The following RAI1 variants were observed in gnomAD, a reference collection of about 807,000 sequenced individuals.
RAI1 encodes the protein retinoic acid-induced protein 1.
A neutral mutation model predicts 123.8 loss-of-function variants in RAI1; 9 were observed. That is an observed-to-expected ratio of 0.07 (90% CI 0.04 to 0.13). The LOEUF (loss-of-function observed/expected upper bound fraction) is 0.13, where lower values mean the gene tolerates loss of function less well. Ranked by LOEUF, RAI1 falls within the 10% of genes least tolerant of loss-of-function variation. RAI1 has a pLI of 1.00. For synonymous variants in RAI1, 1,231 were observed against 1,127.3 expected, an observed-to-expected ratio of 1.09 and a Z score of -1.84; for missense variants, 2,256 against 2,545.8, an observed-to-expected ratio of 0.89 and a Z score of 2.45.
chr17:17,799,989 T>C lies in RAI1; in HGVS notation c.5565+1476T>C, dbSNP rs1054092050. Among the ~76,000 whole-genome samples the C allele has an allele frequency of 1.3e-5, 2 of 151,960 alleles. No homozygotes were observed. Among genetic ancestry groups the C allele is most frequent in the African/African-American group, 4.8e-5 (2 of 41,342 alleles). ...TGCCCATGGGGATGGCTGGAGACCT[T>C]CTCCACGCCCAGACGCCCTGCCCAC... On this transcript the variant is annotated intron_variant, in intron 3 of 5. Coordinates refer to ENST00000353383, the MANE Select transcript of RAI1 (RefSeq NM_030665.4). The surrounding 1 kb of genome is among the most constrained non-coding windows in gnomAD (Gnocchi z 4.5).
chr17:17,736,408 A>C (rs1916435942), intron 2 of RAI1, among the ~76,000 whole-genome samples: 1 of 152,180 alleles, frequency 6.6e-6, no homozygotes, highest in African/African-American at 2.4e-5. Context: ...CTGGGATAAG[A>C]GCAGGCCCAG....
chr17:17,689,720 C>T (rs1386646053), intron 1 of RAI1, among the ~76,000 whole-genome samples: 2 of 152,176 alleles, frequency 1.3e-5, no homozygotes, highest in Non-Finnish European at 2.9e-5. Flanking sequence ...TTGGTTCTGT[C>T]ATCTGTAAAA....
chr17:17,786,767 G>A (rs753481938), intron 2 of RAI1, among the ~76,000 whole-genome samples: 10 of 152,246 alleles, frequency 6.6e-5, no homozygotes, highest in Non-Finnish European at 1.5e-4. Context: ...GGGCCAGACA[G>A]TCCTGTGCCT....
intron 2 of RAI1, chr17:17,766,173 G>C (rs908776593): frequency 1.6e-4 from 24 of 152,206 alleles, no homozygotes; most frequent in African/African-American, 5.8e-4. Context: ...GTTGGGTTTT[G>C]TTTTTAAGAA....
At position 17,808,048 on chromosome 17, in the gene RAI1, T is replaced by C. The variant is rs142993930; in HGVS notation, c.5660-1342T>C. Among the ~76,000 whole-genome samples the C allele has an allele frequency of 5.5e-3, 842 of 152,276 alleles. 8 individuals carry two copies. The highest frequency in any genetic ancestry group is 0.019 in the African/African-American group (779 of 41,548). On this transcript the variant is annotated intron_variant, in intron 4 of 5. Transcript: ENST00000353383. ...TGCCATTGCACAGAGCCACCTCCAG[T>C]GTGAACAGGAAGATTGTGTTGGAGA...
At chr17:17,756,490 C>G (rs898036365) in intron 2 of RAI1, among the ~76,000 whole-genome samples, 4 of 152,200 alleles carry the variant, frequency 2.6e-5, no homozygotes, top group Non-Finnish European at 5.9e-5. Context: ...AGCACTGCAC[C>G]TGGCATGAAT....
chr17:17,699,641 A>G (rs1049946459), intron 1 of RAI1, among the ~76,000 whole-genome samples: 11 of 140,730 alleles, frequency 7.8e-5, no homozygotes, highest in East Asian at 4.1e-4. Context: ...GGGGGGGGGG[A>G]ATCAAATGAA....
chr17:17,778,476 G>C (rs1210958200), intron 2 of RAI1: 2 of 331,908 alleles, frequency 6.0e-6, no homozygotes, highest in African/African-American at 4.3e-5. Flanking sequence ...GGCACACAAA[G>C]CACAGAGAGG....
chr17:17,722,936 T>A (rs1047466516), intron 1 of RAI1, among the ~76,000 whole-genome samples: 3 of 152,132 alleles, frequency 2.0e-5, no homozygotes, highest in Non-Finnish European at 4.4e-5. Flanking sequence ...CGCGGTGCGA[T>A]CCCCGACGCC....
At chr17:17,695,215 C>T (rs965419523) in intron 1 of RAI1, among the ~76,000 whole-genome samples, 4 of 151,980 alleles carry the variant, frequency 2.6e-5, no homozygotes, top group African/African-American at 9.7e-5. Context: ...TCAGTGAGGA[C>T]CTACCCTTTG....
In RAI1 at chr17:17,811,035, C is replaced by T. The variant is rs2032756453; in HGVS notation, c.*1054C>T. On this transcript the variant is annotated 3_prime_UTR_variant, in exon 6 of 6. Transcript: ENST00000353383. ...GCCTTTGCCGGGTAAGGGGCTACCG[C>T]GACGCCACTTGTCCACGCAGCCACC... 1 of 313,576 alleles carries T rather than the reference C, an allele frequency of 3.2e-6. No individual in the cohort carries two copies. The highest frequency in any genetic ancestry group is 6.3e-6 in the Non-Finnish European group (1 of 157,532). 19.4% of individuals were successfully genotyped at this position (313,576 alleles called of 1,614,324 possible).
At chr17:17,776,515 T>C (rs2031347681) in intron 2 of RAI1, among the ~76,000 whole-genome samples, 1 of 152,054 alleles carries the variant, frequency 6.6e-6, no homozygotes, top group East Asian at 1.9e-4. Flanking sequence ...GGATTACAGG[T>C]GTGTATCACC....
intron 2 of RAI1, among the ~76,000 whole-genome samples, chr17:17,745,340 G>A (rs928243193): frequency 5.3e-5 from 8 of 151,746 alleles, no homozygotes; most frequent in African/African-American, 1.9e-4. Flanking sequence ...AGGGGTTCTG[G>A]ATCTTGGATG....
chr17:17,761,317 T>G (rs1451604653), intron 2 of RAI1, among the ~76,000 whole-genome samples: 1 of 151,916 alleles, frequency 6.6e-6, no homozygotes, highest in African/African-American at 2.4e-5. Flanking sequence ...GTCTCTTAGG[T>G]TCCTGGCACA....
At position 17,794,448 on chromosome 17, in the gene RAI1, G is replaced by T. The variant is rs115536854; in HGVS notation, c.1500G>T (p.Pro500=). The T allele has an allele frequency of 1.2e-6, 2 of 1,612,544 alleles. No individual in the cohort carries two copies. Among genetic ancestry groups the T allele is most frequent in the Admixed American group, 3.3e-5 (2 of 59,960 alleles). Reference sequence around the variant, plus strand: ...CCGCAGGCACACCGCTGTCAGAGCCGCCGAGCAGCACGCCACAGTCCACGC... The same window carrying T: ...CCGCAGGCACACCGCTGTCAGAGCCTCCGAGCAGCACGCCACAGTCCACGC... ...AEPAGTPLSE[P]PSSTPQSTHA... is the part of the protein sequence containing the mutation. The change falls in exon 3 of 6, where the codon CCG becomes CCT. Residue 500 remains proline, a synonymous_variant. Transcript: ENST00000353383.
intron 2 of RAI1, chr17:17,779,263 C>A (rs1418079397): frequency 3.2e-6 from 1 of 311,782 alleles, no homozygotes; most frequent in East Asian, 8.6e-5. Flanking sequence ...TGCTTCTGGT[C>A]AGCAGACTGC....
intron 2 of RAI1, among the ~76,000 whole-genome samples, chr17:17,775,174 C>A (rs2031292616): frequency 6.6e-6 from 1 of 151,902 alleles, no homozygotes; most frequent in Admixed American, 6.6e-5. Flanking sequence ...GGACGCTGAC[C>A]CCCACACAGC....
At chr17:17,696,484 G>C (rs955019563) in intron 1 of RAI1, among the ~76,000 whole-genome samples, 3 of 152,152 alleles carry the variant, frequency 2.0e-5, no homozygotes, top group African/African-American at 7.2e-5. Flanking sequence ...GTATATAGCA[G>C]TTGATATTCC....
At chr17:17,771,225 A>G (rs1167818176) in intron 2 of RAI1, among the ~76,000 whole-genome samples, 1 of 152,240 alleles carries the variant, frequency 6.6e-6, no homozygotes, top group African/African-American at 2.4e-5. Flanking sequence ...TGCTTAGGCT[A>G]ACAAAAATAG....
Sources: allele counts gnomAD v4.1 joint callset (sites outside exome capture counted in the v4.1 genomes callset), GRCh38; gene constraint gnomAD v4.1.1; non-coding constraint Gnocchi (gnomAD v3.1); transcripts MANE v1.5; gene names NCBI Gene and HGNC (gene_info 2026-07-23, HGNC 2026-07-21).